Variants in CACNB2 observed in about 807,000 individuals in gnomAD.
CACNB2 encodes the protein voltage-dependent L-type calcium channel subunit beta-2.
A neutral mutation model predicts 73.3 loss-of-function variants in CACNB2; 42 were observed. The observed-to-expected ratio is 0.57, with a 90% CI of 0.45 to 0.74. The LOEUF is 0.74. Ranked by LOEUF, CACNB2 falls within the 30% of genes least tolerant of loss-of-function variation. The pLI is 0.00. For missense variants in CACNB2, 940 were observed against 853.0 expected, an observed-to-expected ratio of 1.10 and a Z score of -1.27; for synonymous variants, 348 against 310.3, an observed-to-expected ratio of 1.12 and a Z score of -1.28.
chr10:18,502,173 G>T (rs930344166), intron 5 of CACNB2, among the ~76,000 whole-genome samples: 11 of 152,132 alleles, frequency 7.2e-5, no homozygotes, highest in Admixed American at 3.9e-4. Context: ...TGGGCATGGT[G>T]GCGGGAGCCT....
At chr10:18,151,009 C>T (rs770454962) in intron 2 of CACNB2, 34 bp downstream of exon 2, 2 of 1,281,378 alleles carry the variant, frequency 1.6e-6, no homozygotes, top group East Asian at 2.3e-5. Context: ...TTGATAAGTA[C>T]CTTAAAATGA....
At chr10:18,472,774 T>A (rs2048259376) in intron 3 of CACNB2, among the ~76,000 whole-genome samples, 1 of 152,206 alleles carries the variant, frequency 6.6e-6, no homozygotes, top group African/African-American at 2.4e-5. Context: ...TCAGGAAGAA[T>A]TTCAGAGAGG....
Position 18,351,907 on chromosome 10 carries a change from A to G in CACNB2, c.214-50017A>G, listed in dbSNP as rs546128226. 1.4e-3 allele frequency among the ~76,000 whole-genome samples: 212 copies of G among 152,334 alleles called. 1 individual carries two copies. Among genetic ancestry groups the G allele is most frequent in the Middle Eastern group, 6.8e-3 (2 of 294 alleles). ...GACAGTTTTTGCAAACCAAAGGAAGAGAGTGATGACATTTAAAACACATAT... is the reference window on the plus strand; with the variant it reads ...GACAGTTTTTGCAAACCAAAGGAAGGGAGTGATGACATTTAAAACACATAT... On this transcript the variant is annotated intron_variant, in intron 2 of 13. Coordinates refer to ENST00000324631, the MANE Select transcript of CACNB2 (RefSeq NM_201596.3).
At chr10:18,417,171 G>A (rs12783774) in intron 3 of CACNB2, among the ~76,000 whole-genome samples, 11,099 of 138,314 alleles carry the variant, frequency 0.08, 507 homozygotes, top group Non-Finnish European at 0.11. Context: ...CTATTAAGAC[G>A]ATTTTAAAAG....
intron 2 of CACNB2, among the ~76,000 whole-genome samples, chr10:18,316,273 T>C (rs111498150): frequency 1.3e-5 from 2 of 152,120 alleles, no homozygotes; most frequent in African/African-American, 4.8e-5. Flanking sequence ...AATTCCCTAG[T>C]TCTAGTATCT....
At chr10:18,466,463 C>T (rs1030173936) in intron 3 of CACNB2, among the ~76,000 whole-genome samples, 1 of 151,990 alleles carries the variant, frequency 6.6e-6, no homozygotes, top group East Asian at 1.9e-4. Flanking sequence ...AAACTCCTGA[C>T]CACAAGCAAT....
chr10:18,157,627 G>A (rs2032155762), intron 2 of CACNB2, among the ~76,000 whole-genome samples: 1 of 152,192 alleles, frequency 6.6e-6, no homozygotes, highest in South Asian at 2.1e-4. Flanking sequence ...TGGAGGCTCA[G>A]AGGTGAAGTG....
At chr10:18,255,323 G>C (rs111943679) in intron 2 of CACNB2, among the ~76,000 whole-genome samples, 9 of 152,146 alleles carry the variant, frequency 5.9e-5, no homozygotes, top group African/African-American at 2.2e-4. Flanking sequence ...CCTGCCTTTA[G>C]TGAACTCCTT....
chr10:18,314,698 A>G (rs181879775), intron 2 of CACNB2, among the ~76,000 whole-genome samples: 1 of 152,172 alleles, frequency 6.6e-6, no homozygotes. Context: ...TTTCATACAC[A>G]TGAACCCTAC....
intron 3 of CACNB2, among the ~76,000 whole-genome samples, chr10:18,451,016 C>T (rs1364596862): frequency 6.6e-6 from 1 of 152,138 alleles, no homozygotes; most frequent in African/African-American, 2.4e-5. Context: ...GCTAGGATAA[C>T]ACATAATAGG....
chr10:18,531,034 T>G (rs1021506752), intron 10 of CACNB2, among the ~76,000 whole-genome samples: 2 of 152,136 alleles, frequency 1.3e-5, no homozygotes, highest in African/African-American at 4.8e-5. Flanking sequence ...CTGGTCAAAA[T>G]TAAGAGTTTT....
rs545555850 is a variant in CACNB2 at position 18,471,099 on chromosome 10, G to A, written c.334-27256G>A. Among the ~76,000 whole-genome samples the A allele has an allele frequency of 2.0e-5, 3 of 152,312 alleles. No individual in the cohort carries two copies. The South Asian group carries it at 6.2e-4, about 32-fold the overall frequency. On this transcript the variant is annotated intron_variant, in intron 3 of 13. Transcript: ENST00000324631. ...GTGGGTGGATCACCTTAGGTTAGGA[G>A]TTCAAGACCAGCCTGGCCAACATGG...
intron 6 of CACNB2, among the ~76,000 whole-genome samples, chr10:18,510,309 CT>C (rs1409242309): frequency 2.0e-5 from 3 of 151,964 alleles, no homozygotes; most frequent in African/African-American, 7.2e-5. Context: ...TCCACTCTTT[CT>C]TTGTTTTTTT....
Position 18,219,515 on chromosome 10 carries a change from A to G in CACNB2, c.213+68540A>G, listed in dbSNP as rs6482226. On this transcript the variant is annotated intron_variant, in intron 2 of 13. Transcript: ENST00000324631. ...TTTTACTGTAGTCCTGTTAATGCCTATAGCCCTGGGACAAGTTGTCCAGCA... is the reference window on the plus strand; with the variant it reads ...TTTTACTGTAGTCCTGTTAATGCCTGTAGCCCTGGGACAAGTTGTCCAGCA... Among the ~76,000 whole-genome samples, 1,110 of 152,272 alleles carry G rather than the reference A, an allele frequency of 7.3e-3. 14 individuals carry two copies. Among genetic ancestry groups the G allele is most frequent in the African/African-American group, 0.025 (1,055 of 41,560 alleles).
chr10:18,173,923 T>A (rs2033415769), intron 2 of CACNB2, among the ~76,000 whole-genome samples: 1 of 152,214 alleles, frequency 6.6e-6, no homozygotes, highest in African/African-American at 2.4e-5. Flanking sequence ...TCAGGGAAAC[T>A]GGTGGTAAAA....
Position 18,539,794 on chromosome 10 carries a change from A to AAG in CACNB2, c.*71_*72dup. On this transcript the variant is annotated 3_prime_UTR_variant, in exon 14 of 14. Transcript: ENST00000324631. ...TATAACTAACAGCATCCCCAAAACA[A>AAG]AGTCTTTGGGGTCTACACTGCAATC... 6.6e-7 allele frequency: 1 copy of AAG among 1,510,154 alleles called. No individual in the cohort carries two copies. The highest frequency in any genetic ancestry group is 1.2e-5 in the South Asian group (1 of 83,172). The allele number at this position is 1,510,154 out of a possible 1,614,324, so 93.5% of individuals were successfully genotyped here.
intron 7 of CACNB2, among the ~76,000 whole-genome samples, chr10:18,516,640 C>T (rs761977456): frequency 4.6e-5 from 7 of 152,206 alleles, no homozygotes; most frequent in Admixed American, 6.5e-5. Context: ...ATGATGCCTT[C>T]GGCACTGGTA....
intron 2 of CACNB2, among the ~76,000 whole-genome samples, chr10:18,303,205 T>A (rs1197330194): frequency 1.3e-5 from 2 of 152,002 alleles, no homozygotes; most frequent in African/African-American, 4.8e-5. Flanking sequence ...GTGAGAAATG[T>A]TTAAGAAAGG....
intron 2 of CACNB2, among the ~76,000 whole-genome samples, chr10:18,401,499 A>G (rs971396782): frequency 6.6e-6 from 1 of 152,194 alleles, no homozygotes; most frequent in African/African-American, 2.4e-5. Context: ...GGAGAGTTCA[A>G]GTTTATAACT....
Sources: gnomAD v4.1 joint callset for allele counts (sites outside exome capture counted in the v4.1 genomes callset) on GRCh38, gnomAD v4.1.1 for gene constraint, MANE v1.5 for transcripts, NCBI Gene and HGNC (gene_info 2026-07-23, HGNC 2026-07-21) for gene names.